The following UNC5C variants were observed in gnomAD, a reference collection of about 807,000 sequenced individuals.
UNC5C encodes the protein unc-5 netrin receptor C, also known as netrin receptor UNC5C.
A neutral mutation model predicts 99.8 loss-of-function variants in UNC5C; 47 were observed. The observed-to-expected ratio is 0.47, with a 90% CI of 0.37 to 0.60. The LOEUF (loss-of-function observed/expected upper bound fraction) is 0.60. Ranked by LOEUF, UNC5C falls within the 20% of genes least tolerant of loss-of-function variation. The probability of loss-of-function intolerance (pLI) is 0.00; values close to 1 mark genes in which losing one functional copy is unlikely to be tolerated. For missense variants in UNC5C, 1,062 were observed against 1,165.9 expected, an observed-to-expected ratio of 0.91 and a Z score of 1.30; for synonymous variants, 487 against 452.2, an observed-to-expected ratio of 1.08 and a Z score of -0.98.
intron 1 of UNC5C, among the ~76,000 whole-genome samples, chr4:95,493,919 A>G (rs1721568104): frequency 6.6e-6 from 1 of 151,472 alleles, no homozygotes; most frequent in African/African-American, 2.4e-5. Flanking sequence ...AATATTCTCT[A>G]TCAATTACAA....
Position 95,168,232 on chromosome 4 carries a change from A to G in UNC5C, c.*1002T>C, listed in dbSNP as rs531904446. ...TGACAAAGCCATTCAGCATTTATCAATCACCTTTCTGGGGTGGAATAAGGG... is the reference window on the plus strand; with the variant it reads ...TGACAAAGCCATTCAGCATTTATCAGTCACCTTTCTGGGGTGGAATAAGGG... On this transcript the variant is annotated 3_prime_UTR_variant, in exon 16 of 16. Transcript: ENST00000453304. 17 of 152,340 alleles carry G rather than the reference A, an allele frequency of 1.1e-4. No individual in the cohort carries two copies. The highest frequency in any genetic ancestry group is 2.4e-4 in the African/African-American group (10 of 41,570). 9.4% of individuals were successfully genotyped at this position (152,340 alleles called of 1,614,324 possible).
In UNC5C at chr4:95,364,947, T is replaced by G. The variant is rs1373230073; in HGVS notation, c.125-29316A>C. 2.0e-5 allele frequency among the ~76,000 whole-genome samples: 3 copies of G among 151,958 alleles called. No individual in the cohort carries two copies. The East Asian group carries it at 5.8e-4, about 29-fold the overall frequency. On this transcript the variant is annotated intron_variant, in intron 1 of 15. Coordinates refer to ENST00000453304, the MANE Select transcript of UNC5C (RefSeq NM_003728.4). ...GGACACCATAAGCAAAACAAAACAA[T>G]GTAACTAATATAGATATATTTATAT...
At chr4:95,277,303 A>G (rs1259068989) in intron 4 of UNC5C, among the ~76,000 whole-genome samples, 1 of 152,174 alleles carries the variant, frequency 6.6e-6, no homozygotes, top group African/African-American at 2.4e-5. Context: ...CTTTCAAATG[A>G]CTCAGTGTAG....
At chr4:95,170,676 C>A (rs1051391903) in intron 14 of UNC5C, among the ~76,000 whole-genome samples, 1 of 152,114 alleles carries the variant, frequency 6.6e-6, no homozygotes, top group African/African-American at 2.4e-5. Context: ...ATCAGAGCTC[C>A]TAAAGGTTTA....
intron 6 of UNC5C, among the ~76,000 whole-genome samples, chr4:95,243,408 T>C (rs747276186): frequency 6.6e-6 from 1 of 152,154 alleles, no homozygotes; most frequent in Non-Finnish European, 1.5e-5. Context: ...AAAAAAGATA[T>C]AGTAAATTTC....
chr4:95,424,358 A>C (rs1746402679), intron 1 of UNC5C, among the ~76,000 whole-genome samples: 3 of 151,814 alleles, frequency 2.0e-5, no homozygotes, highest in African/African-American at 7.3e-5. Context: ...ACAGTGTATG[A>C]AGAGTAGGAA....
chr4:95,447,069 G>A (rs1248955708), intron 1 of UNC5C, among the ~76,000 whole-genome samples: 6 of 152,208 alleles, frequency 3.9e-5, no homozygotes, highest in Non-Finnish European at 1.5e-5. Flanking sequence ...ATAGAATCAA[G>A]ATGTGTTCCT....
intron 1 of UNC5C, among the ~76,000 whole-genome samples, chr4:95,354,479 A>ATATTT: frequency 9.1e-6 from 1 of 110,340 alleles, no homozygotes; most frequent in Non-Finnish European, 1.8e-5. Context: ...ATATATATAT[A>ATATTT]TTTTTTTTTT....
chr4:95,446,103 C>T (rs922238330), intron 1 of UNC5C, among the ~76,000 whole-genome samples: 5 of 151,992 alleles, frequency 3.3e-5, no homozygotes, highest in Non-Finnish European at 7.4e-5. Flanking sequence ...AGAGACCGGC[C>T]TCATTCAGAA....
intron 2 of UNC5C, among the ~76,000 whole-genome samples, chr4:95,319,777 C>A (rs1223900501): frequency 3.9e-5 from 6 of 152,026 alleles, no homozygotes; most frequent in Non-Finnish European, 8.8e-5. Context: ...CTAAAAAGTT[C>A]TCTGTTGTGT....
At chr4:95,544,054 G>C (rs528387737) in intron 1 of UNC5C, among the ~76,000 whole-genome samples, 1 of 152,076 alleles carries the variant, frequency 6.6e-6, no homozygotes, top group African/African-American at 2.4e-5. Flanking sequence ...CTTTGCCAAC[G>C]GTTTGTAGAA....
intron 1 of UNC5C, among the ~76,000 whole-genome samples, chr4:95,473,326 C>A (rs912096674): frequency 1.3e-5 from 2 of 152,068 alleles, no homozygotes; most frequent in Non-Finnish European, 2.9e-5. Flanking sequence ...TCCATGGTAA[C>A]CTGGGGTCCT....
intron 14 of UNC5C, among the ~76,000 whole-genome samples, chr4:95,177,476 C>T (rs74631571): frequency 0.028 from 4,309 of 152,234 alleles, 67 homozygotes; most frequent in Middle Eastern, 0.072. Flanking sequence ...GCACTGCAGG[C>T]GGTGAGGTTG....
chr4:95,424,518 C>CTTTCTTTT (rs1746411107), intron 1 of UNC5C, among the ~76,000 whole-genome samples: 1 of 67,952 alleles, frequency 1.5e-5, no homozygotes, highest in African/African-American at 5.9e-5. Flanking sequence ...TTTTTCTTTT[C>CTTTCTTTT]TTTTTTTTTT....
At chr4:95,391,756 G>GT (rs1346195898) in intron 1 of UNC5C, among the ~76,000 whole-genome samples, 6 of 102,186 alleles carry the variant, frequency 5.9e-5, no homozygotes, top group Middle Eastern at 5.4e-3. Flanking sequence ...TCCTTTCATG[G>GT]TAAAAAAAAA....
chr4:95,438,012 A>G (rs1401654518), intron 1 of UNC5C, among the ~76,000 whole-genome samples: 3 of 152,054 alleles, frequency 2.0e-5, no homozygotes, highest in Non-Finnish European at 4.4e-5. Context: ...TTTCTTTTCC[A>G]TCACTATAAC....
chr4:95,173,905 G>A (rs1579196905), intron 14 of UNC5C, among the ~76,000 whole-genome samples: 1 of 151,928 alleles, frequency 6.6e-6, no homozygotes, highest in South Asian at 2.1e-4. Context: ...ATTGATTATT[G>A]CCACAATTTC....
chr4:95,456,826 C>A (rs1747440571), intron 1 of UNC5C, among the ~76,000 whole-genome samples: 1 of 152,020 alleles, frequency 6.6e-6, no homozygotes, highest in Non-Finnish European at 1.5e-5. Flanking sequence ...GTTCCCTATG[C>A]AAATATGAGG....
intron 2 of UNC5C, among the ~76,000 whole-genome samples, chr4:95,329,163 C>T (rs1027221629): frequency 3.9e-5 from 6 of 152,018 alleles, no homozygotes; most frequent in Non-Finnish European, 8.8e-5. Context: ...TGGTGGTGTG[C>T]CTGTAGTTGT....
Sources: allele counts gnomAD v4.1 joint callset (sites outside exome capture counted in the v4.1 genomes callset), GRCh38; gene constraint gnomAD v4.1.1; transcripts MANE v1.5; gene names NCBI Gene and HGNC (gene_info 2026-07-23, HGNC 2026-07-21).